Variants in CHLSN observed in about 807,000 individuals in gnomAD.
The protein encoded by CHLSN is cholesin.
chr7:1,113,462 C>A, the CHLSN span, among the ~76,000 whole-genome samples: 1 of 152,164 alleles, frequency 6.6e-6, no homozygotes, highest in Non-Finnish European at 1.5e-5. Flanking sequence ...ACCCACATGG[C>A]AGGGGCACGG....
the CHLSN span, chr7:984,320 C>A: frequency 8.1e-6 from 12 of 1,472,688 alleles, no homozygotes; most frequent in Non-Finnish European, 1.1e-5. Flanking sequence ...CCCTCTGTCC[C>A]CACCCCTACC....
chr7:1,084,751 T>C, the CHLSN span, among the ~76,000 whole-genome samples: 1 of 152,222 alleles, frequency 6.6e-6, no homozygotes, highest in African/African-American at 2.4e-5. Flanking sequence ...TTAGAGACGT[T>C]GCCCGGTATC....
At chr7:1,107,400 G>A in the CHLSN span, among the ~76,000 whole-genome samples, 5 of 152,230 alleles carry the variant, frequency 3.3e-5, no homozygotes, top group South Asian at 1.0e-3. Flanking sequence ...CAGTGACTGT[G>A]GAACCACCAA....
the CHLSN span, among the ~76,000 whole-genome samples, chr7:1,015,133 G>A: frequency 6.6e-6 from 1 of 152,256 alleles, no homozygotes; most frequent in Non-Finnish European, 1.5e-5. Flanking sequence ...CCCAGCCGTG[G>A]CCTCACACCA....
At chr7:1,039,058 G>T in the CHLSN span, among the ~76,000 whole-genome samples, 8 of 66,376 alleles carry the variant, frequency 1.2e-4, no homozygotes, top group African/African-American at 2.0e-4. Flanking sequence ...GGAGGGAGGT[G>T]GGGGGGGTCA....
At chr7:982,402 C>A in the CHLSN span, among the ~76,000 whole-genome samples, 4 of 152,256 alleles carry the variant, frequency 2.6e-5, no homozygotes, top group Admixed American at 2.0e-4. Context: ...CATGTCAGGG[C>A]AGGCTGTGCA....
the CHLSN span, among the ~76,000 whole-genome samples, chr7:1,084,904 A>T: frequency 6.6e-6 from 1 of 152,296 alleles, no homozygotes; most frequent in African/African-American, 2.4e-5. Flanking sequence ...CCTACCATGG[A>T]GGGCATGGGA....
At chr7:1,117,594 C>A in the CHLSN span, among the ~76,000 whole-genome samples, 1 of 135,102 alleles carries the variant, frequency 7.4e-6, no homozygotes, top group South Asian at 2.4e-4. Context: ...GCTCTATGGA[C>A]CGGCTTCCAT....
At chr7:1,016,929 GCAGCACACGCCAGCACACGC>G in the CHLSN span, among the ~76,000 whole-genome samples, 1 of 101,870 alleles carries the variant, frequency 9.8e-6, no homozygotes, top group Non-Finnish European at 2.0e-5. Context: ...GCAGCACACA[GCAGCACACGCCAGCACACGC>G]CAGCGCACAG....
chr7:1,010,080 C>T, the CHLSN span: 3 of 1,612,944 alleles, frequency 1.9e-6, no homozygotes, highest in East Asian at 4.5e-5. Flanking sequence ...CTTTCCAGGA[C>T]CCTCTGCTCC....
At chr7:983,340 C>T in the CHLSN span, 2 of 1,538,596 alleles carry the variant, frequency 1.3e-6, no homozygotes, top group African/African-American at 2.7e-5. Context: ...TCGTCGGGAA[C>T]CTGCACTTGC....
At chr7:984,649 G>A in the CHLSN span, 1 of 1,497,814 alleles carries the variant, frequency 6.7e-7, no homozygotes, top group South Asian at 1.3e-5. Flanking sequence ...GGGGGCTCCA[G>A]CAGCGGGAGA....
At chr7:1,106,344 C>A in the CHLSN span, among the ~76,000 whole-genome samples, 69 of 152,338 alleles carry the variant, frequency 4.5e-4, no homozygotes, top group African/African-American at 1.6e-3. Flanking sequence ...GAGCGAAACC[C>A]CAGAGACACG....
the CHLSN span, chr7:1,009,909 C>T: frequency 1.7e-5 from 25 of 1,473,448 alleles, no homozygotes; most frequent in South Asian, 2.7e-5. Context: ...GGGGTTGAGA[C>T]GCACGTCCGG....
the CHLSN span, chr7:989,132 C>A: frequency 2.6e-6 from 1 of 391,688 alleles, no homozygotes; most frequent in Admixed American, 4.0e-5. Flanking sequence ...TAGCTCCCCC[C>A]AGGGCCCCCC....
At chr7:982,119 G>C in the CHLSN span, among the ~76,000 whole-genome samples, 1 of 152,210 alleles carries the variant, frequency 6.6e-6, no homozygotes, top group African/African-American at 2.4e-5. Context: ...AGCCTACCCA[G>C]TAGTGGCCCT....
the CHLSN span, among the ~76,000 whole-genome samples, chr7:1,047,447 G>A: frequency 6.6e-6 from 1 of 152,222 alleles, no homozygotes; most frequent in South Asian, 2.1e-4. Flanking sequence ...AGCCCAGGAA[G>A]GCACAGATAG....
the CHLSN span, among the ~76,000 whole-genome samples, chr7:1,011,954 G>A: frequency 6.6e-6 from 1 of 152,216 alleles, no homozygotes; most frequent in African/African-American, 2.4e-5. Flanking sequence ...GGGCTCTGGG[G>A]AGCAAGATTT....
the CHLSN span, among the ~76,000 whole-genome samples, chr7:1,102,797 C>T: frequency 9.2e-5 from 14 of 152,310 alleles, no homozygotes; most frequent in Admixed American, 7.8e-4. Context: ...AAGTTGCACA[C>T]GGGCAAGAAA....
Sources: gnomAD v4.1 joint callset for allele counts (sites outside exome capture counted in the v4.1 genomes callset) on GRCh38, gnomAD v4.1.1 for gene constraint, MANE v1.5 for transcripts, NCBI Gene and HGNC (gene_info 2026-07-23, HGNC 2026-07-21) for gene names.